DEAF1: variants seen among roughly 807,000 people sequenced by gnomAD.
DEAF1 encodes deformed epidermal autoregulatory factor 1 homolog.
DEAF1 carries 53 observed loss-of-function variants against 58.9 expected under a neutral mutation model. That is an observed-to-expected ratio of 0.90 (90% CI 0.72 to 1.13). DEAF1 has a LOEUF of 1.13. DEAF1 is among the 50% of genes most tolerant of loss of function. The probability of loss-of-function intolerance (pLI) is 0.00; values close to 1 mark genes in which losing one functional copy is unlikely to be tolerated. For missense variants in DEAF1, 685 were observed against 791.4 expected (o/e 0.87, Z 1.61); for synonymous variants, 385 against 340.4 (o/e 1.13, Z -1.44).
chr11:677,342 T>TAAAATA, intron 9 of DEAF1, among the ~76,000 whole-genome samples: 2 of 105,662 alleles, frequency 1.9e-5, no homozygotes, highest in Non-Finnish European at 4.4e-5. Flanking sequence ...CTACTAAAAA[T>TAAAATA]ACAAAAATTA....
At position 688,448 on chromosome 11, in the gene DEAF1, C is replaced by T; in HGVS notation, c.400G>A (p.Ala134Thr). The T allele has an allele frequency of 6.2e-7, 1 of 1,613,818 alleles. No individual in the cohort carries two copies. Among genetic ancestry groups the T allele is most frequent in the East Asian group, 2.2e-5 (1 of 44,868 alleles). The change falls in exon 3 of 12, where the codon GCC (alanine) becomes ACC (threonine). Residue 134 changes from alanine to threonine, a missense_variant. Coordinates refer to ENST00000382409, the MANE Select transcript of DEAF1 (RefSeq NM_021008.4). This position sits in a 1 kb window ranked among gnomAD's most constrained non-coding sequence, Gnocchi z 4.3. ...ISGHVLSGRTALQIGDSLNTE... is the reference protein window; with the variant it reads ...ISGHVLSGRTTLQIGDSLNTE... Reference sequence around the variant, plus strand: ...TTCAGGCTGTCCCCGATCTGAAGGGCCGTCCTACCAGACTAGAAGGAAAAA... The same window carrying T: ...TTCAGGCTGTCCCCGATCTGAAGGGTCGTCCTACCAGACTAGAAGGAAAAA...
At position 644,374 on chromosome 11, in the gene DEAF1, T is replaced by G; in HGVS notation, c.*176A>C. On this transcript the variant is annotated 3_prime_UTR_variant, in exon 12 of 12. Coordinates refer to ENST00000382409, the MANE Select transcript of DEAF1 (RefSeq NM_021008.4). This position sits in a 1 kb window ranked among gnomAD's most constrained non-coding sequence, Gnocchi z 4.3. Reference sequence around the variant, plus strand: ...GGGCAGGGGGCCCGGGCAGGGGGAGTGCGCTTCCCAGGGCACCATTCGCTT... The same window carrying G: ...GGGCAGGGGGCCCGGGCAGGGGGAGGGCGCTTCCCAGGGCACCATTCGCTT... 1.5e-6 allele frequency: 1 copy of G among 650,664 alleles called. No individual in the cohort carries two copies. Among genetic ancestry groups the G allele is most frequent in the Non-Finnish European group, 2.8e-6 (1 of 359,478 alleles). The allele number at this position is 650,664 out of a possible 1,614,324, so 40.3% of individuals were successfully genotyped here.
intron 9 of DEAF1, 97 bp downstream of exon 9, chr11:678,592 ACAAAC>A: frequency 6.3e-7 from 1 of 1,577,340 alleles, no homozygotes; most frequent in Non-Finnish European, 8.7e-7. Flanking sequence ...AACAAAAACA[ACAAAC>A]CAAACCAAAA....
intron 10 of DEAF1, among the ~76,000 whole-genome samples, chr11:672,027 T>A (rs1404384529): frequency 6.6e-6 from 1 of 152,126 alleles, no homozygotes; most frequent in African/African-American, 2.4e-5. Flanking sequence ...ATTACCTCAA[T>A]AGTCATTGAG....
intron 1 of DEAF1, among the ~76,000 whole-genome samples, chr11:693,127 A>G (rs1286929882): frequency 4.6e-5 from 7 of 152,230 alleles, no homozygotes; most frequent in African/African-American, 1.4e-4. Context: ...TTACCACATC[A>G]AAACACAACT....
intron 10 of DEAF1, among the ~76,000 whole-genome samples, chr11:655,539 G>A (rs1023993743): frequency 1.1e-4 from 8 of 71,480 alleles, no homozygotes; most frequent in Admixed American, 2.6e-4. Context: ...CAGATCATCC[G>A]CAGCTGCGGG....
chr11:702,102 T>C, intron 1 of DEAF1, among the ~76,000 whole-genome samples: 1 of 152,190 alleles, frequency 6.6e-6, no homozygotes, highest in East Asian at 1.9e-4. Flanking sequence ...ATGCCTGATG[T>C]CCAGTGAGGA....
At chr11:698,337 G>C (rs772682249), upstream of DEAF1, among the ~76,000 whole-genome samples, 5 of 152,226 alleles carry the variant, frequency 3.3e-5, no homozygotes, top group Non-Finnish European at 7.3e-5. Flanking sequence ...GAGGTTGCAT[G>C]ATAAAAAGAC....
intron 10 of DEAF1, among the ~76,000 whole-genome samples, chr11:657,683 G>T (rs993250523): frequency 3.9e-5 from 6 of 152,154 alleles, no homozygotes; most frequent in Non-Finnish European, 7.4e-5. Flanking sequence ...TTGGATGTCA[G>T]GGACGCCACA....
At chr11:704,429 CTG>C in intron 1 of DEAF1, 2 of 1,287,782 alleles carry the variant, frequency 1.6e-6, no homozygotes, top group Non-Finnish European at 2.0e-6. Context: ...TTTGACCTGT[CTG>C]TGGCCCCCAG....
At position 644,604 on chromosome 11, in the gene DEAF1, G is replaced by C; in HGVS notation, c.1644C>G (p.Val548=). ...CAGCCACGTGGACTTCGTCTGCCTG[G>C]ACGGTGACAGCTGCTGACTGGCCGC... is the stretch of plus-strand genomic sequence containing the variant. ...HICGQSAAVT[V]QADEVHVAES... Residue 548 remains valine, a synonymous_variant, in exon 12 of 12, where the codon GTC becomes GTG. Transcript: ENST00000382409. The surrounding 1 kb of genome is among the most constrained non-coding windows in gnomAD (Gnocchi z 4.3). 1.9e-6 allele frequency: 3 copies of C among 1,613,140 alleles called. No homozygotes were observed. The highest frequency in any genetic ancestry group is 2.5e-6 in the Non-Finnish European group (3 of 1,179,968).
chr11:655,739 C>G (rs1859018165), intron 10 of DEAF1, among the ~76,000 whole-genome samples: 1 of 152,168 alleles, frequency 6.6e-6, no homozygotes, highest in Admixed American at 6.5e-5. Flanking sequence ...ATTCAGAGCT[C>G]CGACATTCAG....
At chr11:669,534 G>A (rs1296961097) in intron 10 of DEAF1, among the ~76,000 whole-genome samples, 1 of 151,862 alleles carries the variant, frequency 6.6e-6, no homozygotes, top group Non-Finnish European at 1.5e-5. Flanking sequence ...TACTTGAGAG[G>A]CTGAAGCAGG....
chr11:648,051 G>A (rs868275816), intron 11 of DEAF1, among the ~76,000 whole-genome samples: 40 of 135,658 alleles, frequency 2.9e-4, no homozygotes, highest in African/African-American at 9.0e-4. Flanking sequence ...TGACCCAGGC[G>A]GTGCTGGGAG....
At chr11:703,478 C>T (rs940365383) in intron 1 of DEAF1, 8 of 1,257,806 alleles carry the variant, frequency 6.4e-6, no homozygotes, top group Non-Finnish European at 7.0e-6. Flanking sequence ...CCATGGGCCC[C>T]CAGGGCCGAG....
chr11:671,122 G>A (rs1859806613), intron 10 of DEAF1, among the ~76,000 whole-genome samples: 1 of 151,610 alleles, frequency 6.6e-6, no homozygotes, highest in South Asian at 2.1e-4. Flanking sequence ...TAGAGATGGG[G>A]TTTCACCATG....
At chr11:695,542 C>A (rs1401645857), upstream of DEAF1, 2 of 1,190,978 alleles carry the variant, frequency 1.7e-6, no homozygotes, top group Admixed American at 4.2e-5. Flanking sequence ...TCGCCCGTTC[C>A]CGCCGCCGGC....
chr11:685,079 A>ATTATTT, intron 5 of DEAF1, 116 bp from the exon 6 acceptor site: 1 of 595,220 alleles, frequency 1.7e-6, no homozygotes, highest in Non-Finnish European at 2.6e-6. Context: ...AAATATAAAA[A>ATTATTT]TTCTTTTTTT....
chr11:694,970 C>A lies in DEAF1; in HGVS notation c.78G>T (p.Ala26=), dbSNP rs769299507. ...AAAVAAAAAV[A]AAAAAAAGGE... Reference sequence around the variant, plus strand: ...CTCCTGCCGCGGCCGCGGCCGCCGCCGCCACAGCGGCCGCGGCCGCCACCG... The same window carrying A: ...CTCCTGCCGCGGCCGCGGCCGCCGCAGCCACAGCGGCCGCGGCCGCCACCG... The change falls in exon 1 of 12, where the codon GCG becomes GCT. Residue 26 remains alanine, a synonymous_variant. Transcript: ENST00000382409. 1 of 1,168,438 alleles carries A rather than the reference C, an allele frequency of 8.6e-7. No individual in the cohort carries two copies. Among genetic ancestry groups the A allele is most frequent in the Non-Finnish European group, 1.1e-6 (1 of 947,416 alleles). 72.4% of individuals were successfully genotyped at this position (1,168,438 alleles called of 1,614,324 possible). A position where few individuals can be genotyped will look rare whatever the true frequency, so the allele number is the denominator to read the frequency against.
Sources: allele counts gnomAD v4.1 joint callset (sites outside exome capture counted in the v4.1 genomes callset), GRCh38; gene constraint gnomAD v4.1.1; non-coding constraint Gnocchi (gnomAD v3.1); transcripts MANE v1.5; gene names NCBI Gene and HGNC (gene_info 2026-07-23, HGNC 2026-07-21).